LRRTM4: variants seen among roughly 807,000 people sequenced by gnomAD.
LRRTM4 encodes leucine-rich repeat transmembrane neuronal protein 4.
Under a neutral mutation model 47.6 loss-of-function variants are expected in LRRTM4, and 25 were observed. That is an observed-to-expected ratio of 0.53 (90% CI 0.38 to 0.73). The LOEUF is 0.73. Ranked by LOEUF, LRRTM4 falls within the 30% of genes least tolerant of loss-of-function variation. LRRTM4 has a pLI of 0.00. For synonymous variants in LRRTM4, 311 were observed against 269.5 expected (o/e 1.15, Z -1.51); for missense variants, 638 against 713.4 (o/e 0.89, Z 1.20).
intron 3 of LRRTM4, among the ~76,000 whole-genome samples, chr2:76,941,619 A>C (rs11884377): frequency 0.29 from 44,160 of 152,020 alleles, 8,324 homozygotes; most frequent in African/African-American, 0.54. Flanking sequence ...CCAGGTCATA[A>C]ATGTCTCTGC....
At chr2:76,974,602 T>C (rs968660353) in intron 3 of LRRTM4, among the ~76,000 whole-genome samples, 2 of 151,522 alleles carry the variant, frequency 1.3e-5, no homozygotes, top group Non-Finnish European at 3.0e-5. Context: ...CAAGTATATA[T>C]CCACTTTCAT....
intron 3 of LRRTM4, among the ~76,000 whole-genome samples, chr2:76,908,006 A>G (rs1673910014): frequency 6.6e-6 from 1 of 152,004 alleles, no homozygotes; most frequent in Non-Finnish European, 1.5e-5. Flanking sequence ...GGCCAGCATC[A>G]TCCTGATACC....
At chr2:77,347,040 C>T (rs537598306) in intron 3 of LRRTM4, among the ~76,000 whole-genome samples, 20 of 152,038 alleles carry the variant, frequency 1.3e-4, no homozygotes, top group Non-Finnish European at 2.5e-4. Context: ...CTGGTTTGGC[C>T]AATATAGGGT....
chr2:77,138,620 A>G (rs900091934), intron 3 of LRRTM4, among the ~76,000 whole-genome samples: 7 of 152,210 alleles, frequency 4.6e-5, no homozygotes, highest in African/African-American at 1.7e-4. Flanking sequence ...AATAACTAAG[A>G]TCAGAGCAGA....
chr2:77,315,161 G>A (rs982079722), intron 3 of LRRTM4, among the ~76,000 whole-genome samples: 1 of 152,110 alleles, frequency 6.6e-6, no homozygotes, highest in African/African-American at 2.4e-5. Flanking sequence ...ATAATAATAT[G>A]TTATTATGCA....
intron 3 of LRRTM4, among the ~76,000 whole-genome samples, chr2:77,075,474 C>G (rs904653670): frequency 6.6e-6 from 1 of 152,048 alleles, no homozygotes; most frequent in Non-Finnish European, 1.5e-5. Context: ...GAGGATATAG[C>G]CAAGGTGGCA....
chr2:77,451,805 G>T (rs1573433684), intron 3 of LRRTM4, among the ~76,000 whole-genome samples: 1 of 152,090 alleles, frequency 6.6e-6, no homozygotes, highest in Non-Finnish European at 1.5e-5. Flanking sequence ...GGCCATTTCA[G>T]GTTAAAAAAA....
chr2:77,478,089 A>G (rs1377720981), intron 3 of LRRTM4, among the ~76,000 whole-genome samples: 2 of 152,110 alleles, frequency 1.3e-5, no homozygotes, highest in African/African-American at 2.4e-5. Context: ...GCTAAATTTA[A>G]ATTAAGATTT....
chr2:77,084,925 T>C (rs1014991057), intron 3 of LRRTM4, among the ~76,000 whole-genome samples: 3 of 152,172 alleles, frequency 2.0e-5, no homozygotes, highest in Non-Finnish European at 4.4e-5. Flanking sequence ...CATATGTACA[T>C]ATACATAAGC....
chr2:76,901,198 T>TC (rs1393019968), intron 3 of LRRTM4, among the ~76,000 whole-genome samples: 16 of 152,030 alleles, frequency 1.1e-4, no homozygotes, highest in African/African-American at 3.9e-4. Context: ...ATGCTCTCCC[T>TC]CCCCCATCCC....
intron 3 of LRRTM4, among the ~76,000 whole-genome samples, chr2:77,471,381 C>T (rs1172942904): frequency 6.6e-6 from 1 of 152,146 alleles, no homozygotes; most frequent in Non-Finnish European, 1.5e-5. Flanking sequence ...ATAATAAGCT[C>T]TGGAATAACA....
intron 3 of LRRTM4, among the ~76,000 whole-genome samples, chr2:77,225,055 C>G (rs1028533014): frequency 2.0e-5 from 3 of 151,696 alleles, no homozygotes; most frequent in African/African-American, 7.3e-5. Context: ...TGAGTTCATG[C>G]CCTTTGTAGG....
intron 3 of LRRTM4, among the ~76,000 whole-genome samples, chr2:76,922,746 C>A (rs1674471985): frequency 6.6e-6 from 1 of 152,006 alleles, no homozygotes; most frequent in Admixed American, 6.6e-5. Context: ...TTAAAGTTTG[C>A]TTAAGAAAGT....
chr2:76,798,285 G>C (rs1675463625), intron 3 of LRRTM4, among the ~76,000 whole-genome samples: 1 of 152,016 alleles, frequency 6.6e-6, no homozygotes, highest in African/African-American at 2.4e-5. Flanking sequence ...TAGAACTCAG[G>C]ATTAAGAATC....
chr2:77,325,896 C>G (rs980547746), intron 3 of LRRTM4, among the ~76,000 whole-genome samples: 4 of 152,132 alleles, frequency 2.6e-5, no homozygotes, highest in Non-Finnish European at 5.9e-5. Flanking sequence ...AATATGGCAC[C>G]TTGGCATTTG....
chr2:77,201,980 T>C (rs1311967675), intron 3 of LRRTM4, among the ~76,000 whole-genome samples: 2 of 152,134 alleles, frequency 1.3e-5, no homozygotes, highest in African/African-American at 4.8e-5. Context: ...ATGTACAAGC[T>C]GACAAGAGGT....
intron 3 of LRRTM4, among the ~76,000 whole-genome samples, chr2:76,925,727 T>G (rs1435577901): frequency 6.6e-6 from 1 of 152,116 alleles, no homozygotes; most frequent in Non-Finnish European, 1.5e-5. Flanking sequence ...TTTAGTGTTA[T>G]GACCCAATCC....
At chr2:76,920,585 A>T (rs1674398916) in intron 3 of LRRTM4, among the ~76,000 whole-genome samples, 2 of 152,198 alleles carry the variant, frequency 1.3e-5, no homozygotes, top group Middle Eastern at 6.8e-3. Context: ...AAAGGTTGTC[A>T]ACTTGATTTA....
chr2:76,802,952 A>T (rs1675783343), intron 3 of LRRTM4, among the ~76,000 whole-genome samples: 1 of 152,154 alleles, frequency 6.6e-6, no homozygotes, highest in African/African-American at 2.4e-5. Context: ...AAATAAACTC[A>T]AAATTGATTG....
Sources: gnomAD v4.1 joint callset for allele counts (sites outside exome capture counted in the v4.1 genomes callset) on GRCh38, gnomAD v4.1.1 for gene constraint, MANE v1.5 for transcripts, NCBI Gene and HGNC (gene_info 2026-07-23, HGNC 2026-07-21) for gene names.